The following PCDH9 variants were observed in gnomAD, a reference collection of about 807,000 sequenced individuals.
PCDH9 encodes the protein protocadherin 9.
Under a neutral mutation model 70.6 loss-of-function variants are expected in PCDH9, and 24 were observed. The ratio of observed to expected loss-of-function variants is 0.34; its 90% CI spans 0.25 to 0.48. The LOEUF is 0.48. Among genes scored for constraint, PCDH9 ranks in the 20% least tolerant of loss-of-function variants. PCDH9 has a pLI of 0.99. For missense variants in PCDH9, 1,281 were observed against 1,503.6 expected (o/e 0.85, Z 2.45); for synonymous variants, 562 against 558.5 (o/e 1.01, Z -0.09).
At chr13:66,361,920 A>C (rs941554033) in intron 4 of PCDH9, among the ~76,000 whole-genome samples, 6 of 152,172 alleles carry the variant, frequency 3.9e-5, no homozygotes, top group Non-Finnish European at 7.4e-5. Context: ...ATTACACTAA[A>C]ACTAATGTTT....
chr13:66,496,223 T>C (rs191310159), intron 4 of PCDH9, among the ~76,000 whole-genome samples: 58 of 152,348 alleles, frequency 3.8e-4, no homozygotes, highest in African/African-American at 1.4e-3. Context: ...AATTAACATT[T>C]GTCCAGTAAA....
At chr13:67,209,414 C>G (rs1182197698) in intron 2 of PCDH9, 1 of 152,108 alleles carries the variant, frequency 6.6e-6, no homozygotes, top group South Asian at 2.1e-4. Context: ...CAAAATGTGG[C>G]ATTTCTGGAA....
At chr13:66,344,574 G>T (rs1006786592) in intron 4 of PCDH9, among the ~76,000 whole-genome samples, 1 of 152,098 alleles carries the variant, frequency 6.6e-6, no homozygotes, top group Admixed American at 6.6e-5. Flanking sequence ...AATCAAATGT[G>T]CTACCCAAGT....
At chr13:67,177,128 C>A (rs777962980) in intron 2 of PCDH9, among the ~76,000 whole-genome samples, 3 of 152,098 alleles carry the variant, frequency 2.0e-5, no homozygotes, top group Non-Finnish European at 2.9e-5. Context: ...TCTATGACTA[C>A]TTAGAAATAA....
chr13:66,987,854 A>T (rs2083926330), intron 2 of PCDH9, among the ~76,000 whole-genome samples: 1 of 151,980 alleles, frequency 6.6e-6, no homozygotes, highest in Non-Finnish European at 1.5e-5. Context: ...ATAAATAACT[A>T]TTCAAAATAA....
intron 4 of PCDH9, among the ~76,000 whole-genome samples, chr13:66,480,151 A>C (rs897333997): frequency 1.3e-5 from 2 of 152,120 alleles, no homozygotes; most frequent in African/African-American, 4.8e-5. Context: ...GTTGATTCCA[A>C]CTCTCACAGA....
chr13:66,467,354 T>C (rs1657125334), intron 4 of PCDH9, among the ~76,000 whole-genome samples: 1 of 152,088 alleles, frequency 6.6e-6, no homozygotes, highest in African/African-American at 2.4e-5. Context: ...CGGTTTCCTG[T>C]GGATTCTTGG....
chr13:66,755,240 G>A (rs2079522037), intron 3 of PCDH9, among the ~76,000 whole-genome samples: 1 of 152,140 alleles, frequency 6.6e-6, no homozygotes, highest in Non-Finnish European at 1.5e-5. Context: ...TTATGAGGCA[G>A]ATATTATTCC....
chr13:66,356,044 T>C (rs1173538195), intron 4 of PCDH9, among the ~76,000 whole-genome samples: 1 of 152,096 alleles, frequency 6.6e-6, no homozygotes, highest in Non-Finnish European at 1.5e-5. Flanking sequence ...ATAAATGAAA[T>C]TGTGTGGAAA....
In PCDH9 at chr13:66,558,517, G is replaced by C. The variant is rs529564245; in HGVS notation, c.3340+72693C>G. Among the ~76,000 whole-genome samples the C allele has an allele frequency of 3.3e-5, 5 of 152,060 alleles. No individual in the cohort carries two copies. The South Asian group carries it at 1.0e-3, about 32-fold the overall frequency. On this transcript the variant is annotated intron_variant, in intron 4 of 4. Coordinates refer to ENST00000377865, the MANE Select transcript of PCDH9 (RefSeq NM_203487.3). ...AGTACACAGAAAAATATTTCACAAGGGGTGAGTTAAAGAGTTGCTGAGGAA... is the reference window on the plus strand; with the variant it reads ...AGTACACAGAAAAATATTTCACAAGCGGTGAGTTAAAGAGTTGCTGAGGAA...
At chr13:66,895,846 G>C (rs2082169287) in intron 3 of PCDH9, among the ~76,000 whole-genome samples, 1 of 152,160 alleles carries the variant, frequency 6.6e-6, no homozygotes, top group African/African-American at 2.4e-5. Context: ...TACTATGGTT[G>C]TCATTTATCT....
chr13:67,207,057 G>T (rs2089366663), intron 2 of PCDH9: 1 of 150,452 alleles, frequency 6.6e-6, no homozygotes, highest in Non-Finnish European at 1.5e-5. Flanking sequence ...AATGTTCATT[G>T]TAAACTGTAA....
chr13:66,618,549 TATG>T (rs2077386510), intron 4 of PCDH9, among the ~76,000 whole-genome samples: 1 of 152,146 alleles, frequency 6.6e-6, no homozygotes, highest in East Asian at 1.9e-4. Flanking sequence ...AATTTGATAT[TATG>T]AGAATATATT....
chr13:66,363,159 A>G (rs1011711635), intron 4 of PCDH9, among the ~76,000 whole-genome samples: 1 of 152,156 alleles, frequency 6.6e-6, no homozygotes, highest in African/African-American at 2.4e-5. Flanking sequence ...AGCCTGAGTG[A>G]CAGAGCAAGA....
intron 3 of PCDH9, among the ~76,000 whole-genome samples, chr13:66,859,976 T>G (rs1806513310): frequency 6.6e-6 from 1 of 152,210 alleles, no homozygotes; most frequent in South Asian, 2.1e-4. Context: ...GCCTGCTGTA[T>G]TTTTAGGTCG....
At chr13:67,121,592 C>T (rs1013658111) in intron 2 of PCDH9, among the ~76,000 whole-genome samples, 2 of 152,064 alleles carry the variant, frequency 1.3e-5, no homozygotes, top group African/African-American at 2.4e-5. Flanking sequence ...TCAGGAATCT[C>T]GAGAGAATGC....
At chr13:66,511,455 A>C (rs1959468318) in intron 4 of PCDH9, among the ~76,000 whole-genome samples, 1 of 152,046 alleles carries the variant, frequency 6.6e-6, no homozygotes, top group Non-Finnish European at 1.5e-5. Flanking sequence ...TATTAATGCA[A>C]AGCACTTACA....
At chr13:66,875,011 T>C (rs2081777185) in intron 3 of PCDH9, among the ~76,000 whole-genome samples, 1 of 151,002 alleles carries the variant, frequency 6.6e-6, no homozygotes. Flanking sequence ...AATGAGAAGT[T>C]ATCAGAATTT....
At chr13:66,317,637 A>G (rs1351744638) in intron 4 of PCDH9, among the ~76,000 whole-genome samples, 1 of 152,224 alleles carries the variant, frequency 6.6e-6, no homozygotes, top group Non-Finnish European at 1.5e-5. Flanking sequence ...TAAAATAATT[A>G]TTAGTAATTA....
Sources: allele counts gnomAD v4.1 joint callset (sites outside exome capture counted in the v4.1 genomes callset), GRCh38; gene constraint gnomAD v4.1.1; transcripts MANE v1.5; gene names NCBI Gene and HGNC (gene_info 2026-07-23, HGNC 2026-07-21).